The following CYTH1 variants were observed in gnomAD, a reference collection of about 807,000 sequenced individuals.
CYTH1 encodes cytohesin-1.
CYTH1 carries 18 observed loss-of-function variants against 61.8 expected under a neutral mutation model. That is an observed-to-expected ratio of 0.29 (90% CI 0.20 to 0.43). CYTH1 has a LOEUF of 0.43. Ranked by LOEUF, CYTH1 falls within the 20% of genes least tolerant of loss-of-function variation. CYTH1 has a pLI of 1.00. For synonymous variants in CYTH1, 174 were observed against 184.3 expected, an observed-to-expected ratio of 0.94 and a Z score of 0.45; for missense variants, 336 against 510.5, an observed-to-expected ratio of 0.66 and a Z score of 3.29.
intron 9 of CYTH1, among the ~76,000 whole-genome samples, chr17:78,697,706 G>C (rs964984305): frequency 2.7e-4 from 41 of 152,152 alleles, no homozygotes; most frequent in African/African-American, 9.9e-4. Flanking sequence ...CACTGCCTGT[G>C]GGGGAGCCAG....
intron 3 of CYTH1, among the ~76,000 whole-genome samples, chr17:78,705,416 C>A (rs2093054922): frequency 6.6e-6 from 1 of 152,168 alleles, no homozygotes; most frequent in Non-Finnish European, 1.5e-5. Flanking sequence ...AGGTCTGACA[C>A]CCCAGTTAAG....
At chr17:78,765,354 A>C (rs2093444440) in intron 1 of CYTH1, among the ~76,000 whole-genome samples, 1 of 152,254 alleles carries the variant, frequency 6.6e-6, no homozygotes, top group South Asian at 2.1e-4. Context: ...TCATAAACCC[A>C]TAAAATAAAT....
At chr17:78,695,896 C>G in intron 10 of CYTH1, 111 bp downstream of exon 10, 1 of 1,330,592 alleles carries the variant, frequency 7.5e-7, no homozygotes. Context: ...GCAGCATTAA[C>G]ACTACCACCG....
chr17:78,745,095 G>A lies in CYTH1; in HGVS notation c.23-35363C>T, dbSNP rs60094818. Among the ~76,000 whole-genome samples, 4 of 152,232 alleles carry A rather than the reference G, an allele frequency of 2.6e-5. No individual in the cohort carries two copies. The East Asian group carries it at 5.8e-4, about 22-fold the overall frequency. On this transcript the variant is annotated intron_variant, in intron 1 of 13. Transcript: ENST00000446868. ...TTTTGGGGATTTTTCTTTCTGAGAA[G>A]GGGGTCAAGAGCATTGGTCAGATGC...
At chr17:78,778,312 AAAAAAAAAG>A (rs1474243213) in intron 1 of CYTH1, among the ~76,000 whole-genome samples, 4 of 147,318 alleles carry the variant, frequency 2.7e-5, no homozygotes, top group East Asian at 2.0e-4. Flanking sequence ...AAAAAAAAAA[AAAAAAAAAG>A]GGAAAAAAAA....
At chr17:78,736,138 G>A (rs2093319011) in intron 1 of CYTH1, among the ~76,000 whole-genome samples, 1 of 152,140 alleles carries the variant, frequency 6.6e-6, no homozygotes, top group Admixed American at 6.5e-5. Flanking sequence ...AACAAAACAA[G>A]TACTATTTAT....
chr17:78,777,714 C>G (rs907767335), intron 1 of CYTH1, among the ~76,000 whole-genome samples: 1 of 151,410 alleles, frequency 6.6e-6, no homozygotes, highest in Non-Finnish European at 1.5e-5. Context: ...AAGCCGGGCG[C>G]GGTGGCTCAC....
At chr17:78,731,829 G>C (rs1249823608) in intron 1 of CYTH1, among the ~76,000 whole-genome samples, 1 of 151,016 alleles carries the variant, frequency 6.6e-6, no homozygotes, top group African/African-American at 2.4e-5. Context: ...AAGAAAGGCA[G>C]AGACAAGAAC....
chr17:78,684,302 G>C (rs891679900), intron 11 of CYTH1, among the ~76,000 whole-genome samples: 1 of 152,230 alleles, frequency 6.6e-6, no homozygotes, highest in African/African-American at 2.4e-5. Context: ...TGGAGTGAAA[G>C]AAGAATGAGA....
In CYTH1 at chr17:78,701,679, C is replaced by T; in HGVS notation, c.429G>A (p.Gln143=). ...LHEFTDLNLV[Q]ALRQFLWSFR... ...ACCTCAAGAATACTCACCGTAGTGC[C>T]TGGACGAGATTAAGATCAGTGAACT... is the stretch of plus-strand genomic sequence containing the variant. The change falls in exon 6 of 14, where the codon CAG becomes CAA. Residue 143 remains glutamine (Q), a synonymous_variant. Coordinates refer to ENST00000446868, the MANE Select transcript of CYTH1 (RefSeq NM_004762.6). 1.3e-5 allele frequency: 21 copies of T among 1,614,224 alleles called. No homozygotes were observed. Among genetic ancestry groups the T allele is most frequent in the Non-Finnish European group, 1.7e-5 (20 of 1,180,044 alleles).
intron 3 of CYTH1, among the ~76,000 whole-genome samples, chr17:78,703,538 A>T (rs2144332337): frequency 6.6e-6 from 1 of 152,122 alleles, no homozygotes; most frequent in South Asian, 2.1e-4. Context: ...ATCCAGTTTT[A>T]GAACATTTTC....
In CYTH1 at chr17:78,698,986, G is replaced by T; in HGVS notation, c.551-18C>A. Reference sequence around the variant, plus strand: ...ACAAGTATCTAAAGATGAGAGAAAAGCAAAGGGGAGCCGTTGCATGCTCAG... The same window carrying T: ...ACAAGTATCTAAAGATGAGAGAAAATCAAAGGGGAGCCGTTGCATGCTCAG... On this transcript the variant is annotated intron_variant, in intron 7 of 13. Coordinates refer to ENST00000446868, the MANE Select transcript of CYTH1 (RefSeq NM_004762.6). 6.2e-7 allele frequency: 1 copy of T among 1,607,340 alleles called. No homozygotes were observed. Among genetic ancestry groups the T allele is most frequent in the Non-Finnish European group, 8.5e-7 (1 of 1,177,810 alleles).
At chr17:78,737,274 C>A (rs1218712883) in intron 1 of CYTH1, among the ~76,000 whole-genome samples, 4 of 152,292 alleles carry the variant, frequency 2.6e-5, no homozygotes, top group East Asian at 3.9e-4. Context: ...CTCTAGATTA[C>A]TTCTAATACC....
At chr17:78,723,055 G>A (rs569752316) in intron 1 of CYTH1, among the ~76,000 whole-genome samples, 1 of 152,234 alleles carries the variant, frequency 6.6e-6, no homozygotes, top group Non-Finnish European at 1.5e-5. Context: ...CTTCAGAGGA[G>A]AGCATAGAAT....
intron 1 of CYTH1, among the ~76,000 whole-genome samples, chr17:78,735,634 T>C (rs2093316880): frequency 6.6e-6 from 1 of 152,174 alleles, no homozygotes; most frequent in South Asian, 2.1e-4. Flanking sequence ...CCAGGATCAT[T>C]TGCACTTAGA....
rs549508285 is a variant in CYTH1 at position 78,736,470 on chromosome 17, G to C, written c.23-26738C>G. 2.0e-5 allele frequency among the ~76,000 whole-genome samples: 3 copies of C among 151,664 alleles called. No individual in the cohort carries two copies. The South Asian group carries it at 6.3e-4, about 32-fold the overall frequency. ...CACACACATACACACACACACACCC[G>C]AGAGAGCCTCAGCTTCCTAACCACT... On this transcript the variant is annotated intron_variant, in intron 1 of 13. Coordinates refer to ENST00000446868, the MANE Select transcript of CYTH1 (RefSeq NM_004762.6).
chr17:78,780,326 A>C (rs142772360), intron 1 of CYTH1, among the ~76,000 whole-genome samples: 1 of 151,882 alleles, frequency 6.6e-6, no homozygotes, highest in East Asian at 2.0e-4. Context: ...CAACATAGGG[A>C]GACCTCCCTC....
rs117442972 is a variant in CYTH1 at position 78,698,128 on chromosome 17, C to T, written c.811+141G>A. 6,432 of 725,656 alleles carry T rather than the reference C, an allele frequency of 8.9e-3. 349 individuals are homozygous for T. In the East Asian group the frequency reaches 0.12, roughly 14 times the overall value. The allele number at this position is 725,656 out of a possible 1,614,324, so 45.0% of individuals were successfully genotyped here. A position where few individuals can be genotyped will look rare whatever the true frequency, so the allele number is the denominator to read the frequency against. ...CCATGAATGTGTGTGAACATGCATG[C>T]GCGTGCACACACACGCACGCGCACA... On this transcript the variant is annotated intron_variant, in intron 9 of 13. Coordinates refer to ENST00000446868, the MANE Select transcript of CYTH1 (RefSeq NM_004762.6).
intron 1 of CYTH1, among the ~76,000 whole-genome samples, chr17:78,753,286 C>G (rs1056454150): frequency 5.4e-4 from 82 of 152,082 alleles, no homozygotes; most frequent in African/African-American, 2.0e-3. Flanking sequence ...ATAGTGAGAC[C>G]CTATCTCTAA....
Sources: gnomAD v4.1 joint callset for allele counts (sites outside exome capture counted in the v4.1 genomes callset) on GRCh38, gnomAD v4.1.1 for gene constraint, MANE v1.5 for transcripts, NCBI Gene and HGNC (gene_info 2026-07-23, HGNC 2026-07-21) for gene names.